Variants in WDR75 observed in about 807,000 individuals in gnomAD.
WDR75 encodes the protein WD repeat domain 75.
WDR75 carries 52 observed loss-of-function variants against 106.1 expected under a neutral mutation model. The ratio of observed to expected loss-of-function variants is 0.49; its 90% confidence interval spans 0.39 to 0.62. The LOEUF (loss-of-function observed/expected upper bound fraction) is 0.62. Ranked by LOEUF, WDR75 falls within the 20% of genes least tolerant of loss-of-function variation. The pLI is 0.00. For missense variants in WDR75, 905 were observed against 970.3 expected (o/e 0.93, Z 0.89); for synonymous variants, 333 against 335.5 (o/e 0.99, Z 0.08).
At position 189,462,486 on chromosome 2, in the gene WDR75, A is replaced by AT; in HGVS notation, c.781_782insT (p.Thr261IlefsTer9). 6.2e-7 allele frequency: 1 copy of AT among 1,613,694 alleles called. No homozygotes were observed. The highest frequency in any genetic ancestry group is 1.7e-5 in the Admixed American group (1 of 59,988). On this transcript the variant is annotated frameshift_variant, in exon 9 of 21. Coordinates refer to ENST00000314761, the MANE Select transcript of WDR75 (RefSeq NM_032168.3). LOFTEE classifies it high-confidence loss of function. ...AATTTCCTTGAATGGATATGAAGGC[A>AT]CCAGTCTGCTGAGTGGCGGTCGTGA...
intron 2 of WDR75, chr2:189,448,864 A>G: frequency 4.2e-6 from 2 of 474,436 alleles, no homozygotes; most frequent in Non-Finnish European, 8.7e-6. Context: ...TCTCAAACTT[A>G]CTTGACTTGT....
chr2:189,449,306 CA>C, intron 2 of WDR75: 1 of 1,302,678 alleles, frequency 7.7e-7, no homozygotes. Flanking sequence ...ACTTTTATTC[CA>C]AAGGAAATAA....
In WDR75 at chr2:189,475,269, C is replaced by G. The variant is rs1251902735; in HGVS notation, c.2345C>G (p.Ser782Ter). ...GAAGAAGAAAAAGAAAGTGAAGATT[C>G]AGATGAAGAAAATGATTTTACCGAA... ...DMEEEKESED[S>*]DEENDFTEKV... The change falls in exon 21 of 21, where the codon TCA becomes TGA. Residue 782 changes from serine (S) to a stop codon, truncating the protein, a stop_gained. Transcript: ENST00000314761. LOFTEE classifies it high-confidence loss of function. The G allele has an allele frequency of 1.2e-6, 2 of 1,612,864 alleles. No individual in the cohort carries two copies. The highest frequency in any genetic ancestry group is 1.7e-6 in the Non-Finnish European group (2 of 1,179,442).
At chr2:189,449,183 T>G (rs1289000202) in intron 2 of WDR75, 2 of 1,210,546 alleles carry the variant, frequency 1.7e-6, no homozygotes, top group East Asian at 5.7e-5. Flanking sequence ...TACTAAAATT[T>G]TATCTCAACA....
intron 18 of WDR75, 92 bp from the exon 19 acceptor site, chr2:189,474,094 G>A: frequency 1.5e-6 from 2 of 1,350,278 alleles, no homozygotes; most frequent in Non-Finnish European, 2.0e-6. Flanking sequence ...TTTCATCCCA[G>A]ACTTTTTATG....
intron 18 of WDR75, among the ~76,000 whole-genome samples, chr2:189,473,344 C>T (rs144582800): frequency 4.6e-5 from 7 of 152,280 alleles, no homozygotes; most frequent in African/African-American, 1.4e-4. Context: ...ATCTTGCCAT[C>T]TCAGGTCTGG....
rs200195848 is a variant in WDR75, at chr2:189,455,321, T to C, written c.375T>C (p.Asp125=). The change falls in exon 5 of 21, where the codon GAT becomes GAC. Residue 125 remains aspartate (D), a splice_region_variant and synonymous_variant. Transcript: ENST00000314761. ...ATTAATATAGCTTTCTTTGGCTAGA[T>C]ATATTTCAGCTGGTTTCAGTGAAAC... ...VFVIVNKEKP[D]IFQLVSVKLP... The C allele has an allele frequency of 1.2e-6, 2 of 1,613,668 alleles. No homozygotes were observed. Among genetic ancestry groups the C allele is most frequent in the South Asian group, 1.1e-5 (1 of 91,072 alleles).
intron 1 of WDR75, among the ~76,000 whole-genome samples, chr2:189,445,687 C>G (rs147473431): frequency 6.6e-6 from 1 of 152,164 alleles, no homozygotes; most frequent in Non-Finnish European, 1.5e-5. Flanking sequence ...GTGTTAATAT[C>G]TTAGTTTTGA....
rs2105570937 is a variant in WDR75 at position 189,467,599 on chromosome 2, G to A, written c.1579G>A (p.Val527Ile). ...FEEIVTIWDSVTWELKCTFCQ... is the reference protein window; with the variant it reads ...FEEIVTIWDSITWELKCTFCQ... Reference sequence around the variant, plus strand: ...GGAAATAGTCACAATATGGGATTCTGTAACATGGGAACTTAAATGTACATT... The same window carrying A: ...GGAAATAGTCACAATATGGGATTCTATAACATGGGAACTTAAATGTACATT... The change falls in exon 14 of 21, where the codon GTA becomes ATA. Residue 527 changes from valine to isoleucine, a missense_variant. By Grantham distance (29) the Val-to-Ile change is conservative (BLOSUM62 3). Transcript: ENST00000314761. 6.2e-7 allele frequency: 1 copy of A among 1,606,970 alleles called. No homozygotes were observed. The highest frequency in any genetic ancestry group is 8.5e-7 in the Non-Finnish European group (1 of 1,177,140).
chr2:189,451,057 T>C (rs1686612528), intron 3 of WDR75, 89 bp downstream of exon 3: 2 of 1,408,890 alleles, frequency 1.4e-6, no homozygotes, highest in East Asian at 5.3e-5. Flanking sequence ...TAAGGCCAAA[T>C]ATTTAAATAG....
At chr2:189,460,661 C>T (rs1184101068) in intron 8 of WDR75, among the ~76,000 whole-genome samples, 6 of 133,426 alleles carry the variant, frequency 4.5e-5, no homozygotes, top group Admixed American at 7.4e-5. Flanking sequence ...CGCACCACCA[C>T]GCCCAGCTAA....
At chr2:189,455,667 C>G in intron 5 of WDR75, 2 of 370,158 alleles carry the variant, frequency 5.4e-6, no homozygotes, top group South Asian at 1.6e-4. Flanking sequence ...TTTGTAAACT[C>G]TCTTAGACTA....
intron 13 of WDR75, among the ~76,000 whole-genome samples, chr2:189,466,819 A>G (rs999868716): frequency 1.1e-4 from 17 of 152,084 alleles, no homozygotes; most frequent in African/African-American, 3.9e-4. Flanking sequence ...TTTTTAGGGT[A>G]AAGTAAAAGG....
chr2:189,472,808 C>T (rs1687142094), intron 18 of WDR75, among the ~76,000 whole-genome samples: 1 of 152,136 alleles, frequency 6.6e-6, no homozygotes, highest in South Asian at 2.1e-4. Flanking sequence ...CTATGTATAA[C>T]TTTTGACTTC....
chr2:189,474,188 G>C lies in WDR75; in HGVS notation c.2052G>C (p.Leu684=). The C allele has an allele frequency of 6.2e-7, 1 of 1,608,504 alleles. No individual in the cohort carries two copies. Among genetic ancestry groups the C allele is most frequent in the Non-Finnish European group, 8.5e-7 (1 of 1,178,462 alleles). Residue 684 remains leucine, a splice_region_variant and synonymous_variant, in exon 19 of 21, where the codon CTG becomes CTC. Coordinates refer to ENST00000314761, the MANE Select transcript of WDR75 (RefSeq NM_032168.3). ...EEKLTPTSKQ[L]LAEESLPTTP... is the part of the protein sequence containing the mutation. ...CTCTTTGTCTTAAATCCTTAAAGCTGCTAGCAGAAGAAAGTCTTCCCACAA... is the reference window on the plus strand; with the variant it reads ...CTCTTTGTCTTAAATCCTTAAAGCTCCTAGCAGAAGAAAGTCTTCCCACAA...
At chr2:189,447,851 T>C (rs990921296) in intron 1 of WDR75, among the ~76,000 whole-genome samples, 3 of 152,160 alleles carry the variant, frequency 2.0e-5, no homozygotes, top group Admixed American at 6.5e-5. Context: ...CTACTACCTA[T>C]TGAGTATGTG....
chr2:189,470,426 C>A (rs937288439), intron 17 of WDR75, among the ~76,000 whole-genome samples, 181 bp downstream of exon 17: 1 of 152,094 alleles, frequency 6.6e-6, no homozygotes, highest in Non-Finnish European at 1.5e-5. Context: ...TACCGTTTTA[C>A]CCCACACTTT....
rs1172122274 is a variant in WDR75 at position 189,466,476 on chromosome 2, T to C, written c.1341T>C (p.Ala447=). ...INMPHEDCIT[A]LCFCNAEKSE... is the part of the protein sequence containing the mutation. ...TGCCACACGAAGACTGCATTACAGC[T>C]CTCTGTTTCTGTAATGCAGAAAAAT... The change falls in exon 13 of 21, where the codon GCT becomes GCC. Residue 447 remains alanine (A), a synonymous_variant. Transcript: ENST00000314761. The C allele has an allele frequency of 1.2e-6, 2 of 1,613,198 alleles. No homozygotes were observed. Among genetic ancestry groups the C allele is most frequent in the South Asian group, 2.2e-5 (2 of 91,030 alleles).
chr2:189,461,873 T>C (rs1258207335), intron 8 of WDR75, among the ~76,000 whole-genome samples: 3 of 152,202 alleles, frequency 2.0e-5, no homozygotes, highest in African/African-American at 4.8e-5. Flanking sequence ...CCAGGTACTC[T>C]TGATGAGATT....
Sources: gnomAD v4.1 joint callset for allele counts (sites outside exome capture counted in the v4.1 genomes callset) on GRCh38, gnomAD v4.1.1 for gene constraint, MANE v1.5 for transcripts, NCBI Gene and HGNC (gene_info 2026-07-23, HGNC 2026-07-21) for gene names.